The following COL4A4 variants were observed in gnomAD, a reference collection of about 807,000 sequenced individuals.
The protein encoded by COL4A4 is collagen alpha-4(IV) chain.
Under a neutral mutation model 192.9 loss-of-function variants are expected in COL4A4, and 105 were observed. The ratio of observed to expected loss-of-function variants is 0.54; its 90% confidence interval spans 0.46 to 0.64. The LOEUF (loss-of-function observed/expected upper bound fraction) is 0.64. Among genes scored for constraint, COL4A4 ranks in the 30% least tolerant of loss-of-function variants. COL4A4 has a pLI of 0.00. For synonymous variants in COL4A4, 762 were observed against 769.9 expected, an observed-to-expected ratio of 0.99 and a Z score of 0.17; for missense variants, 1,967 against 2,169.3, an observed-to-expected ratio of 0.91 and a Z score of 1.85.
chr2:227,059,285 C>T, intron 28 of COL4A4, 120 bp downstream of exon 28: 1 of 887,028 alleles, frequency 1.1e-6, no homozygotes, highest in Non-Finnish European at 1.9e-6. Context: ...TGAGGGAAAA[C>T]ACTTGGGTAA....
chr2:227,018,479 G>C (rs1455505247), intron 44 of COL4A4, among the ~76,000 whole-genome samples: 1 of 152,176 alleles, frequency 6.6e-6, no homozygotes, highest in African/African-American at 2.4e-5. Flanking sequence ...CAAGGCCGAG[G>C]AATACATGGC....
downstream of COL4A4, among the ~76,000 whole-genome samples, chr2:227,001,551 C>CTAT (rs57926770): frequency 6.4e-3 from 977 of 152,250 alleles, 14 homozygotes; most frequent in African/African-American, 0.022. Flanking sequence ...GTGAGACCCT[C>CTAT]TATTTTCTAA....
chr2:227,100,881 T>G (rs552336841), intron 17 of COL4A4, among the ~76,000 whole-genome samples: 1 of 151,962 alleles, frequency 6.6e-6, no homozygotes, highest in South Asian at 2.1e-4. Flanking sequence ...CTCAGCTCAC[T>G]GCAAGCTCCA....
At chr2:227,060,098 G>GAAAA in intron 27 of COL4A4, 38 bp downstream of exon 27, 1 of 454,676 alleles carries the variant, frequency 2.2e-6, no homozygotes, top group Non-Finnish European at 2.9e-6. Context: ...TATTCCCAAA[G>GAAAA]CAGAAAAAAA....
At position 227,129,891 on chromosome 2, in the gene COL4A4, G is replaced by T. The variant is rs140745029; in HGVS notation, c.193-8743C>A. ...TTAAATATATTCATCCTTTTTATGA[G>T]TCTCATTATTCTTAATCCATTATTA... On this transcript the variant is annotated intron_variant, in intron 4 of 47. Coordinates refer to ENST00000396625, the MANE Select transcript of COL4A4 (RefSeq NM_000092.5). Among the ~76,000 whole-genome samples, 743 of 152,130 alleles carry T rather than the reference G, an allele frequency of 4.9e-3. 7 individuals are homozygous for T. The highest frequency in any genetic ancestry group is 0.017 in the African/African-American group (689 of 41,496).
At chr2:227,134,558 G>A (rs555554588) in intron 4 of COL4A4, among the ~76,000 whole-genome samples, 141 of 152,304 alleles carry the variant, frequency 9.3e-4, no homozygotes, top group African/African-American at 3.2e-3. Context: ...GTGATAGTGA[G>A]ACTGAGTTCT....
intron 4 of COL4A4, among the ~76,000 whole-genome samples, chr2:227,134,931 T>C (rs953069743): frequency 3.9e-5 from 6 of 152,242 alleles, no homozygotes; most frequent in African/African-American, 1.4e-4. Flanking sequence ...AGTGTCTTTA[T>C]TATCATCCTT....
At chr2:227,151,198 T>C (rs1193587607) in intron 1 of COL4A4, among the ~76,000 whole-genome samples, 2 of 152,312 alleles carry the variant, frequency 1.3e-5, no homozygotes, top group Non-Finnish European at 2.9e-5. Context: ...CTTGAAAATA[T>C]ATTGATCACA....
chr2:227,109,573 C>T, intron 9 of COL4A4: 2 of 520,394 alleles, frequency 3.8e-6, no homozygotes, highest in South Asian at 1.8e-5. Context: ...ATGGTGAAAC[C>T]CCGTCTCTAC....
At chr2:227,137,695 T>G (rs2062911467) in intron 4 of COL4A4, among the ~76,000 whole-genome samples, 1 of 152,162 alleles carries the variant, frequency 6.6e-6, no homozygotes. Context: ...TCAGCCTCAT[T>G]CACATTGGGA....
the COL4A4 span, among the ~76,000 whole-genome samples, chr2:226,979,392 C>G: frequency 6.6e-6 from 1 of 152,088 alleles, no homozygotes; most frequent in Non-Finnish European, 1.5e-5. Flanking sequence ...TTAACAGGCC[C>G]CCATCTCACC....
At chr2:227,064,935 A>T (rs970055246) in intron 25 of COL4A4, among the ~76,000 whole-genome samples, 3 of 152,180 alleles carry the variant, frequency 2.0e-5, no homozygotes, top group African/African-American at 7.2e-5. Flanking sequence ...AGCGCGCGCG[A>T]CGCAGAAGAC....
chr2:227,105,773 C>T (rs1043006002), intron 12 of COL4A4, among the ~76,000 whole-genome samples: 4 of 152,164 alleles, frequency 2.6e-5, no homozygotes, highest in African/African-American at 9.7e-5. Context: ...CCCATGTTTG[C>T]AAACCAGGCC....
At chr2:227,041,848 G>GAAAGAGAGAGAGAGAGAGAAAGAAAGAA (rs1243663359) in intron 37 of COL4A4, among the ~76,000 whole-genome samples, 1 of 38,692 alleles carries the variant, frequency 2.6e-5, no homozygotes, top group African/African-American at 1.2e-4. Context: ...AAGAAAGAAA[G>GAAAGAGAGAGAGAGAGAGAAAGAAAGAA]AGAAAGAAAG....
intron 4 of COL4A4, among the ~76,000 whole-genome samples, chr2:227,133,367 G>T (rs920494014): frequency 6.6e-6 from 1 of 152,328 alleles, no homozygotes; most frequent in South Asian, 2.1e-4. Context: ...CTACAGTGTA[G>T]TAGGCAGATA....
chr2:226,975,814 G>A, the COL4A4 span, among the ~76,000 whole-genome samples: 1 of 152,168 alleles, frequency 6.6e-6, no homozygotes, highest in African/African-American at 2.4e-5. Context: ...TGTTTGAAAA[G>A]AGATAATACA....
At chr2:226,985,779 C>T in the COL4A4 span, among the ~76,000 whole-genome samples, 3 of 152,216 alleles carry the variant, frequency 2.0e-5, no homozygotes, top group African/African-American at 7.2e-5. Context: ...GGGTGCAGAA[C>T]CCAGCAAGGT....
At chr2:227,024,894 C>T (rs911667689) in intron 43 of COL4A4, among the ~76,000 whole-genome samples, 2 of 152,128 alleles carry the variant, frequency 1.3e-5, no homozygotes, top group Non-Finnish European at 2.9e-5. Flanking sequence ...AAAGTGGGAG[C>T]ATGTGTTTGG....
intron 19 of COL4A4, among the ~76,000 whole-genome samples, chr2:227,097,198 T>C (rs1039277917): frequency 6.6e-6 from 1 of 152,148 alleles, no homozygotes; most frequent in Admixed American, 6.5e-5. Context: ...ACAGGGAGAA[T>C]GGGCTACAGT....
Sources: gnomAD v4.1 joint callset for allele counts (sites outside exome capture counted in the v4.1 genomes callset) on GRCh38, gnomAD v4.1.1 for gene constraint, MANE v1.5 for transcripts, NCBI Gene and HGNC (gene_info 2026-07-23, HGNC 2026-07-21) for gene names.